The following PRKCH variants were observed in gnomAD, a reference collection of about 807,000 sequenced individuals.
The protein encoded by PRKCH is protein kinase C eta type.
In PRKCH, 28 loss-of-function variants were observed where a neutral mutation model predicts 82.5. The ratio of observed to expected loss-of-function variants is 0.34; its 90% confidence interval spans 0.25 to 0.47. PRKCH has a LOEUF of 0.47. PRKCH is among the 20% of genes least tolerant of loss of function. The pLI is 1.00. For missense variants in PRKCH, 705 were observed against 881.8 expected, an observed-to-expected ratio of 0.80 and a Z score of 2.54; for synonymous variants, 322 against 327.4, an observed-to-expected ratio of 0.98 and a Z score of 0.18.
At chr14:61,451,217 G>T (rs547710634) in intron 6 of PRKCH, among the ~76,000 whole-genome samples, 2 of 152,306 alleles carry the variant, frequency 1.3e-5, no homozygotes, top group South Asian at 2.1e-4. Flanking sequence ...TAGCTCGCTA[G>T]CTGACAAATA....
chr14:61,288,828 A>T (rs1184129318), intron 1 of PRKCH, among the ~76,000 whole-genome samples: 2 of 152,210 alleles, frequency 1.3e-5, no homozygotes, highest in African/African-American at 4.8e-5. Flanking sequence ...AATTTCTGGG[A>T]TGCAAGGAAC....
At chr14:61,270,683 C>A (rs2045143608) in intron 1 of PRKCH, among the ~76,000 whole-genome samples, 1 of 152,034 alleles carries the variant, frequency 6.6e-6, no homozygotes, top group Non-Finnish European at 1.5e-5. Context: ...AAAGTAGACT[C>A]TAAAGGTATC....
chr14:61,349,941 A>G lies in PRKCH; in HGVS notation c.363+27477A>G, dbSNP rs541146450. Among the ~76,000 whole-genome samples, 8 of 152,308 alleles carry G rather than the reference A, an allele frequency of 5.3e-5. No individual in the cohort carries two copies. In the South Asian group the frequency reaches 8.3e-4, roughly 16 times the overall value. Reference sequence around the variant, plus strand: ...TTCATGGTTGTTTTACAAAAGCTGTATTTAGCAAGCACTCAATGACAAGTT... The same window carrying G: ...TTCATGGTTGTTTTACAAAAGCTGTGTTTAGCAAGCACTCAATGACAAGTT... On this transcript the variant is annotated intron_variant, in intron 1 of 13. Coordinates refer to ENST00000332981, the MANE Select transcript of PRKCH (RefSeq NM_006255.5).
chr14:61,289,233 A>G (rs1189886688), intron 1 of PRKCH, among the ~76,000 whole-genome samples: 2 of 152,244 alleles, frequency 1.3e-5, no homozygotes, highest in East Asian at 3.8e-4. Flanking sequence ...GAAGGGGACC[A>G]GCATGATGAG....
At chr14:61,507,809 A>G (rs1887215323) in intron 10 of PRKCH, among the ~76,000 whole-genome samples, 1 of 152,136 alleles carries the variant, frequency 6.6e-6, no homozygotes, top group Non-Finnish European at 1.5e-5. Context: ...AAAGGGTACA[A>G]AATTTCAGTT....
chr14:61,549,505 T>C (rs1400479268), intron 13 of PRKCH, among the ~76,000 whole-genome samples, 180 bp from the exon 14 acceptor site: 1 of 152,196 alleles, frequency 6.6e-6, no homozygotes, highest in Non-Finnish European at 1.5e-5. Flanking sequence ...GCCATAATAA[T>C]GCACCATGCA....
intron 10 of PRKCH, among the ~76,000 whole-genome samples, chr14:61,507,452 G>A (rs1490156196): frequency 6.6e-6 from 1 of 152,142 alleles, no homozygotes; most frequent in African/African-American, 2.4e-5. Flanking sequence ...CAAAGGAATT[G>A]GAATCTGGAT....
rs201670822 is a variant in PRKCH, at chr14:61,460,152, A to AT, written c.1278+2480dup. On this transcript the variant is annotated intron_variant, in intron 9 of 13. Coordinates refer to ENST00000332981, the MANE Select transcript of PRKCH (RefSeq NM_006255.5). ...GTGAGCCACTGTACCTGGCCACTTT[A>AT]TTTTTTTAAGACATAATATTAATAG... Among the ~76,000 whole-genome samples, 1,470 of 152,228 alleles carry AT rather than the reference A, an allele frequency of 9.7e-3. 27 individuals are homozygous for AT. The highest frequency in any genetic ancestry group is 0.034 in the African/African-American group (1,406 of 41,542).
intron 12 of PRKCH, chr14:61,537,721 C>T (rs1238681565): frequency 5.3e-5 from 8 of 152,256 alleles, no homozygotes; most frequent in African/African-American, 1.4e-4. Flanking sequence ...CTGAAAGGAG[C>T]TGGGTGCACT....
intron 9 of PRKCH, among the ~76,000 whole-genome samples, chr14:61,481,524 C>CA (rs1331001489): frequency 6.6e-6 from 1 of 152,180 alleles, no homozygotes; most frequent in Non-Finnish European, 1.5e-5. Context: ...AACAGCCTCA[C>CA]AACTGTGTCT....
chr14:61,279,937 G>C, intron 1 of PRKCH: 1 of 678,646 alleles, frequency 1.5e-6, no homozygotes, highest in Non-Finnish European at 2.5e-6. Flanking sequence ...AGCCCCCCAA[G>C]AGCAAGGGGG....
At chr14:61,477,460 A>AT (rs1186352028) in intron 9 of PRKCH, among the ~76,000 whole-genome samples, 6 of 152,120 alleles carry the variant, frequency 3.9e-5, no homozygotes, top group Admixed American at 3.9e-4. Flanking sequence ...GAGACAACAG[A>AT]TTTTTTCTTT....
upstream of PRKCH, among the ~76,000 whole-genome samples, chr14:61,318,883 C>T (rs544600988): frequency 4.6e-5 from 7 of 152,056 alleles, no homozygotes; most frequent in African/African-American, 1.4e-4. Flanking sequence ...TTTGTAGAGA[C>T]AGTCTTGCCA....
At chr14:61,216,047 C>T (rs1211280832) in intron 1 of PRKCH, among the ~76,000 whole-genome samples, 1 of 152,290 alleles carries the variant, frequency 6.6e-6, no homozygotes, top group Admixed American at 6.5e-5. Context: ...ACCCTGCTGG[C>T]TAATAAAATG....
chr14:61,488,669 C>A (rs1030049613), intron 10 of PRKCH, among the ~76,000 whole-genome samples: 2 of 152,218 alleles, frequency 1.3e-5, no homozygotes, highest in Admixed American at 6.5e-5. Context: ...AGTCTTATCT[C>A]AAGCTTTCTT....
chr14:61,308,730 G>A (rs1359530345), intron 1 of PRKCH, among the ~76,000 whole-genome samples: 2 of 152,172 alleles, frequency 1.3e-5, no homozygotes, highest in Non-Finnish European at 2.9e-5. Flanking sequence ...CTGGGCTCAA[G>A]TGATCCTCCC....
intron 1 of PRKCH, among the ~76,000 whole-genome samples, chr14:61,197,897 C>A (rs1310164157): frequency 6.6e-6 from 1 of 152,120 alleles, no homozygotes; most frequent in African/African-American, 2.4e-5. Flanking sequence ...GTAGATAATT[C>A]TCATATATTC....
At chr14:61,249,477 G>A (rs1047879004) in intron 1 of PRKCH, among the ~76,000 whole-genome samples, 3 of 149,916 alleles carry the variant, frequency 2.0e-5, no homozygotes, top group African/African-American at 7.4e-5. Flanking sequence ...TAGTATGCAT[G>A]GTCCTTTACA....
intron 1 of PRKCH, among the ~76,000 whole-genome samples, chr14:61,331,130 C>A (rs898782748): frequency 2.0e-5 from 3 of 152,020 alleles, no homozygotes; most frequent in African/African-American, 7.3e-5. Context: ...TAATATCTAT[C>A]TAATCTATAT....
Sources: allele counts gnomAD v4.1 joint callset (sites outside exome capture counted in the v4.1 genomes callset), GRCh38; gene constraint gnomAD v4.1.1; transcripts MANE v1.5; gene names NCBI Gene and HGNC (gene_info 2026-07-23, HGNC 2026-07-21).